The following RAB8B variants were observed in gnomAD, a reference collection of about 807,000 sequenced individuals.
RAB8B encodes ras-related protein Rab-8B.
In RAB8B, 11 loss-of-function variants were observed where a neutral mutation model predicts 32.0. The ratio of observed to expected loss-of-function variants is 0.34; its 90% CI spans 0.22 to 0.57. The LOEUF (loss-of-function observed/expected upper bound fraction) is 0.57. RAB8B is among the 20% of genes least tolerant of loss of function. The probability of loss-of-function intolerance (pLI) is 0.86; values close to 1 mark genes in which losing one functional copy is unlikely to be tolerated. For missense variants in RAB8B, 190 were observed against 258.5 expected (o/e 0.73, Z 1.82); for synonymous variants, 103 against 89.6 (o/e 1.15, Z -0.85).
intron 6 of RAB8B, among the ~76,000 whole-genome samples, chr15:63,261,437 T>C (rs1019481546): frequency 1.3e-5 from 2 of 152,186 alleles, no homozygotes; most frequent in Non-Finnish European, 1.5e-5. Context: ...AGGGAATCAG[T>C]GTATCCACCT....
intron 4 of RAB8B, 122 bp downstream of exon 4, chr15:63,255,706 T>C (rs539737130): frequency 1.3e-6 from 1 of 744,138 alleles, no homozygotes; most frequent in South Asian, 1.9e-5. Context: ...TTGGGCCCTC[T>C]CTCTCTGAAG....
chr15:63,220,417 G>A (rs539348223), intron 1 of RAB8B, among the ~76,000 whole-genome samples: 4 of 151,762 alleles, frequency 2.6e-5, no homozygotes, highest in African/African-American at 9.7e-5. Context: ...CCCTTTATTG[G>A]GTCATGAAGT....
chr15:63,213,512 G>C (rs1296034057), intron 1 of RAB8B, among the ~76,000 whole-genome samples: 2 of 151,946 alleles, frequency 1.3e-5, no homozygotes, highest in Non-Finnish European at 2.9e-5. Flanking sequence ...AATTCAGTAG[G>C]CTGTGCATTT....
At chr15:63,207,609 G>A (rs2037709494) in intron 1 of RAB8B, among the ~76,000 whole-genome samples, 1 of 151,818 alleles carries the variant, frequency 6.6e-6, no homozygotes, top group Non-Finnish European at 1.5e-5. Flanking sequence ...CACCAGGCTG[G>A]AGTGCAGTGG....
chr15:63,222,437 C>T (rs1315335545), intron 1 of RAB8B, among the ~76,000 whole-genome samples: 1 of 152,192 alleles, frequency 6.6e-6, no homozygotes, highest in African/African-American at 2.4e-5. Flanking sequence ...TAAATTCCTT[C>T]TGTTGTAAAT....
At chr15:63,262,213 G>A (rs1595752726) in intron 6 of RAB8B, among the ~76,000 whole-genome samples, 1 of 152,240 alleles carries the variant, frequency 6.6e-6, no homozygotes, top group Non-Finnish European at 1.5e-5. Context: ...GGGAAGTGGG[G>A]TAGCTTAGAC....
chr15:63,247,391 A>G (rs894348838), intron 2 of RAB8B, among the ~76,000 whole-genome samples: 1 of 152,152 alleles, frequency 6.6e-6, no homozygotes, highest in Non-Finnish European at 1.5e-5. Context: ...TGATTACCCA[A>G]CTCTGGTTCA....
chr15:63,221,957 T>C (rs888994469), intron 1 of RAB8B, among the ~76,000 whole-genome samples: 1 of 152,240 alleles, frequency 6.6e-6, no homozygotes, highest in Non-Finnish European at 1.5e-5. Flanking sequence ...ATTTGATTAT[T>C]GCAGCTGAGG....
rs775094049 is a variant in RAB8B at position 63,244,789 on chromosome 15, A to G, written c.158A>G (p.Asp53Gly). The G allele has an allele frequency of 6.3e-7, 1 of 1,583,888 alleles. No homozygotes were observed. The highest frequency in any genetic ancestry group is 1.3e-5 in the African/African-American group (1 of 74,186). ...TTTAAAATTAGAACGATAGAACTAGATGGAAAGAAAATTAAGCTTCAGATA... is the reference window on the plus strand; with the variant it reads ...TTTAAAATTAGAACGATAGAACTAGGTGGAAAGAAAATTAAGCTTCAGATA... The part of the protein sequence containing the change: ...IDFKIRTIEL[D>G]GKKIKLQIWD... Residue 53 changes from aspartate (D) to glycine (G), a missense_variant, in exon 2 of 8, where the codon GAT becomes GGT. Asp to Gly is a moderately conservative substitution (Grantham distance 94). This residue lies in a region of RAB8B where 80 missense variants were observed against 142.6 expected (regional missense o/e 0.56). Transcript: ENST00000321437.
intron 1 of RAB8B, among the ~76,000 whole-genome samples, chr15:63,240,143 CT>C (rs984781212): frequency 3.9e-5 from 6 of 152,074 alleles, no homozygotes; most frequent in Admixed American, 6.5e-5. Context: ...TATCACCAGG[CT>C]GAAGAAGTTG....
chr15:63,240,320 T>C (rs1445146628), intron 1 of RAB8B, among the ~76,000 whole-genome samples: 2 of 152,240 alleles, frequency 1.3e-5, no homozygotes, highest in Non-Finnish European at 2.9e-5. Flanking sequence ...TGTAGGGTTA[T>C]AGACTGAATG....
chr15:63,198,122 G>C (rs937673494), intron 1 of RAB8B, among the ~76,000 whole-genome samples: 1 of 152,120 alleles, frequency 6.6e-6, no homozygotes, highest in Non-Finnish European at 1.5e-5. Flanking sequence ...TGTCCTTAGA[G>C]GAAGAAATAA....
intron 1 of RAB8B, among the ~76,000 whole-genome samples, chr15:63,193,407 T>C (rs2037574532): frequency 6.6e-6 from 1 of 152,236 alleles, no homozygotes; most frequent in South Asian, 2.1e-4. Flanking sequence ...AAGGATGTTT[T>C]ATCCATTTGA....
chr15:63,234,475 G>A (rs1036374633), intron 1 of RAB8B, among the ~76,000 whole-genome samples: 6 of 152,166 alleles, frequency 3.9e-5, no homozygotes, highest in Admixed American at 2.6e-4. Context: ...GCCCAGTACT[G>A]CTCATTCCAA....
intron 1 of RAB8B, among the ~76,000 whole-genome samples, chr15:63,233,754 G>A (rs545581631): frequency 6.6e-6 from 1 of 152,166 alleles, no homozygotes; most frequent in East Asian, 1.9e-4. Flanking sequence ...CCCATATTCA[G>A]ATAGCCTGGG....
At chr15:63,201,704 A>G (rs2037652162) in intron 1 of RAB8B, among the ~76,000 whole-genome samples, 1 of 152,166 alleles carries the variant, frequency 6.6e-6, no homozygotes, top group Non-Finnish European at 1.5e-5. Context: ...CTTTATGTAA[A>G]CTACTCAATA....
At chr15:63,240,041 A>G (rs1257114205) in intron 1 of RAB8B, among the ~76,000 whole-genome samples, 2 of 152,074 alleles carry the variant, frequency 1.3e-5, no homozygotes, top group African/African-American at 4.8e-5. Context: ...GAAAGGAGGT[A>G]TGGGGCCCAC....
chr15:63,266,658 T>TAGAGC lies in RAB8B; in HGVS notation c.*3040_*3041insGAGCA, dbSNP rs2038250447. ...AGACATCATTGGGAAAGGTAGGAAA[T>TAGAGC]ATTAGTTTAGGATAGAGCATACATG... On this transcript the variant is annotated 3_prime_UTR_variant, in exon 8 of 8. Coordinates refer to ENST00000321437, the MANE Select transcript of RAB8B (RefSeq NM_016530.3). 1 of 152,540 alleles carries TAGAGC rather than the reference T, an allele frequency of 6.6e-6. No homozygotes were observed. Among genetic ancestry groups the TAGAGC allele is most frequent in the South Asian group, 2.1e-4 (1 of 4,836 alleles). The allele number at this position is 152,540 out of a possible 1,614,324, so 9.4% of individuals were successfully genotyped here. A position where few individuals can be genotyped will look rare whatever the true frequency, so the allele number is the denominator to read the frequency against.
chr15:63,262,977 G>A (rs1458010686), intron 7 of RAB8B, among the ~76,000 whole-genome samples: 1 of 151,902 alleles, frequency 6.6e-6, no homozygotes. Flanking sequence ...ATTTTGATGA[G>A]AATAATGAAA....
Sources: gnomAD v4.1 joint callset for allele counts (sites outside exome capture counted in the v4.1 genomes callset) on GRCh38, gnomAD v4.1.1 for gene constraint, gnomAD v4.1.1 regional missense constraint, MANE v1.5 for transcripts, NCBI Gene and HGNC (gene_info 2026-07-23, HGNC 2026-07-21) for gene names.